CPQ: variants seen among roughly 807,000 people sequenced by gnomAD.
The protein encoded by CPQ is Ser-Met dipeptidase.
Under a neutral mutation model 45.7 loss-of-function variants are expected in CPQ, and 37 were observed. The observed-to-expected ratio is 0.81, with a 90% CI of 0.62 to 1.07. The LOEUF (loss-of-function observed/expected upper bound fraction) is 1.07, where lower values mean the gene tolerates loss of function less well. Ranked by LOEUF, CPQ falls within the 50% of genes least tolerant of loss-of-function variation. The pLI, the probability that CPQ is intolerant of heterozygous loss-of-function variation, is 0.00. For synonymous variants in CPQ, 186 were observed against 205.8 expected (o/e 0.90, Z 0.82); for missense variants, 537 against 572.9 (o/e 0.94, Z 0.64).
intron 1 of CPQ, among the ~76,000 whole-genome samples, chr8:96,712,455 G>A (rs548357584): frequency 6.6e-5 from 10 of 152,238 alleles, no homozygotes; most frequent in East Asian, 1.9e-4. Context: ...AGCAGCAAAC[G>A]TCTGCCTGGA....
chr8:96,899,794 C>G (rs1812492153), intron 4 of CPQ, among the ~76,000 whole-genome samples: 1 of 152,102 alleles, frequency 6.6e-6, no homozygotes, highest in Non-Finnish European at 1.5e-5. Context: ...AATATCGAAA[C>G]TATATTAGAC....
intron 1 of CPQ, among the ~76,000 whole-genome samples, chr8:96,700,428 T>G (rs1169530609): frequency 2.6e-5 from 4 of 152,048 alleles, no homozygotes; most frequent in Admixed American, 2.6e-4. Flanking sequence ...AGATACCCCA[T>G]TTGGTGAGAG....
At chr8:96,963,183 T>C (rs1003533335) in intron 4 of CPQ, among the ~76,000 whole-genome samples, 3 of 152,196 alleles carry the variant, frequency 2.0e-5, no homozygotes, top group Admixed American at 1.3e-4. Context: ...TGTTCCTATA[T>C]ATTATCTGAG....
At chr8:96,716,940 A>T (rs897814089) in intron 1 of CPQ, among the ~76,000 whole-genome samples, 1 of 147,638 alleles carries the variant, frequency 6.8e-6, no homozygotes, top group South Asian at 2.2e-4. Flanking sequence ...CACACGCAAG[A>T]ATAATAATCT....
chr8:96,820,206 C>G (rs1030579203), intron 2 of CPQ, among the ~76,000 whole-genome samples: 1 of 152,032 alleles, frequency 6.6e-6, no homozygotes, highest in African/African-American at 2.4e-5. Flanking sequence ...GCTGCTGATT[C>G]CTTTGAGGCA....
intron 4 of CPQ, among the ~76,000 whole-genome samples, chr8:96,897,160 C>A (rs1289731518): frequency 1.3e-5 from 2 of 152,112 alleles, no homozygotes. Flanking sequence ...AGTGCTGTAA[C>A]CTATTTTAGC....
chr8:96,839,112 T>TA (rs1811571214), intron 3 of CPQ, among the ~76,000 whole-genome samples: 2 of 146,026 alleles, frequency 1.4e-5, no homozygotes, highest in Non-Finnish European at 3.0e-5. Flanking sequence ...TATATATATA[T>TA]TATGATTTGT....
intron 1 of CPQ, among the ~76,000 whole-genome samples, chr8:96,765,453 A>G (rs912868342): frequency 6.6e-6 from 1 of 152,172 alleles, no homozygotes; most frequent in African/African-American, 2.4e-5. Context: ...CTCTAAGGGT[A>G]GAAAGCAGGG....
intron 4 of CPQ, among the ~76,000 whole-genome samples, chr8:96,938,666 G>A (rs907803145): frequency 5.9e-5 from 9 of 152,228 alleles, no homozygotes; most frequent in Non-Finnish European, 8.8e-5. Context: ...GGGAATAAAT[G>A]CACTCCTTCC....
chr8:96,953,265 G>T lies in CPQ; in HGVS notation c.850-12670G>T, dbSNP rs578060996. 1.7e-3 allele frequency among the ~76,000 whole-genome samples: 253 copies of T among 152,170 alleles called. 3 individuals carry two copies. The highest frequency in any genetic ancestry group is 0.013 in the Admixed American group (195 of 15,272). On this transcript the variant is annotated intron_variant, in intron 4 of 7. Transcript: ENST00000220763. The stretch of plus-strand genomic sequence containing the variant: ...TGATCTATCTCACGGCCTCCTCAGG[G>T]CAGGTGTCCATTGTTTACCTGGCAG...
chr8:97,100,789 C>T (rs781505073), intron 7 of CPQ, among the ~76,000 whole-genome samples: 10 of 151,982 alleles, frequency 6.6e-5, no homozygotes, highest in Non-Finnish European at 1.3e-4. Context: ...GGGAAAATAG[C>T]TCATATAATG....
At chr8:96,746,931 C>T (rs1810192901) in intron 1 of CPQ, among the ~76,000 whole-genome samples, 1 of 152,092 alleles carries the variant, frequency 6.6e-6, no homozygotes, top group Admixed American at 6.5e-5. Context: ...AAATATTTCC[C>T]ACAGGTTTCT....
intron 1 of CPQ, among the ~76,000 whole-genome samples, chr8:96,678,512 C>T (rs910785029): frequency 6.6e-6 from 1 of 151,960 alleles, no homozygotes; most frequent in Non-Finnish European, 1.5e-5. Flanking sequence ...ATCATGGCTG[C>T]ACTAATTTAG....
At chr8:97,113,367 C>T (rs918140253) in intron 7 of CPQ, among the ~76,000 whole-genome samples, 1 of 152,052 alleles carries the variant, frequency 6.6e-6, no homozygotes, top group Non-Finnish European at 1.5e-5. Flanking sequence ...ACAGGAGGAA[C>T]ATAAACAGGA....
intron 1 of CPQ, among the ~76,000 whole-genome samples, chr8:96,763,242 A>G (rs1298284601): frequency 2.6e-5 from 4 of 152,212 alleles, no homozygotes; most frequent in African/African-American, 9.6e-5. Context: ...GGACTTTAAC[A>G]TATGAATTTG....
intron 4 of CPQ, among the ~76,000 whole-genome samples, chr8:96,929,111 G>A (rs1812935434): frequency 6.6e-6 from 1 of 152,164 alleles, no homozygotes; most frequent in African/African-American, 2.4e-5. Flanking sequence ...GCTTTTGAAT[G>A]ATGGAAGATA....
At chr8:97,007,902 A>C (rs1181282732) in intron 5 of CPQ, among the ~76,000 whole-genome samples, 1 of 152,180 alleles carries the variant, frequency 6.6e-6, no homozygotes, top group Non-Finnish European at 1.5e-5. Flanking sequence ...TAGGAAACAA[A>C]CTCACTGCGG....
At chr8:96,717,029 ATATATATATAT>A (rs1809685635) in intron 1 of CPQ, among the ~76,000 whole-genome samples, 2 of 12,804 alleles carry the variant, frequency 1.6e-4, no homozygotes, top group African/African-American at 2.5e-4. Context: ...ATATAAATAT[ATATATATATAT>A]ATATATATAT....
chr8:96,973,416 G>A (rs545556154), intron 5 of CPQ, among the ~76,000 whole-genome samples: 39 of 152,284 alleles, frequency 2.6e-4, no homozygotes, highest in African/African-American at 8.9e-4. Flanking sequence ...CAAGGAAGAA[G>A]AGAAATCTAA....
Sources: allele counts gnomAD v4.1 joint callset (sites outside exome capture counted in the v4.1 genomes callset), GRCh38; gene constraint gnomAD v4.1.1; transcripts MANE v1.5; gene names NCBI Gene and HGNC (gene_info 2026-07-23, HGNC 2026-07-21).